PGM2: variants seen among roughly 807,000 people sequenced by gnomAD.
PGM2 encodes the protein phosphoglucomutase 2, also known as phosphopentomutase.
In PGM2, 57 loss-of-function variants were observed where a neutral mutation model predicts 74.6. That is an observed-to-expected ratio of 0.76 (90% CI 0.62 to 0.95). The LOEUF (loss-of-function observed/expected upper bound fraction) is 0.95, where lower values mean the gene tolerates loss of function less well. Ranked by LOEUF, PGM2 falls within the 40% of genes least tolerant of loss-of-function variation. The probability of loss-of-function intolerance (pLI) is 0.00; values close to 1 mark genes in which losing one functional copy is unlikely to be tolerated. For synonymous variants in PGM2, 273 were observed against 260.7 expected, an observed-to-expected ratio of 1.05 and a Z score of -0.46; for missense variants, 706 against 741.9, an observed-to-expected ratio of 0.95 and a Z score of 0.56.
At chr4:37,858,260 A>G (rs989705251) in intron 13 of PGM2, among the ~76,000 whole-genome samples, 1 of 152,164 alleles carries the variant, frequency 6.6e-6, no homozygotes, top group African/African-American at 2.4e-5. Flanking sequence ...GCGCTATGTC[A>G]GTAGATGGAT....
chr4:37,848,109 C>G (rs1464799062), intron 10 of PGM2, among the ~76,000 whole-genome samples: 1 of 152,202 alleles, frequency 6.6e-6, no homozygotes, highest in African/African-American at 2.4e-5. Flanking sequence ...TGGCACTGAC[C>G]TTAGCCTACA....
rs34512739 is a variant in PGM2 at position 37,841,158 on chromosome 4, T to TTGTG, written c.719+926_719+929dup. Among the ~76,000 whole-genome samples the TTGTG allele has an allele frequency of 8.0e-3, 807 of 101,458 alleles. 4 individuals are homozygous for TTGTG. Among genetic ancestry groups the TTGTG allele is most frequent in the Admixed American group, 0.011 (102 of 9,588 alleles). The allele number at this position is 101,458 out of a possible 152,430, so 66.6% of individuals were successfully genotyped here. A position where few individuals can be genotyped will look rare whatever the true frequency, so the allele number is the denominator to read the frequency against. On this transcript the variant is annotated intron_variant, in intron 6 of 13. Transcript: ENST00000381967. ...ACTTCAAAACCATAAATAGGAATATTTGTGTGTGTGTGTGTGTGTGTGTGT... is the reference window on the plus strand; with the variant it reads ...ACTTCAAAACCATAAATAGGAATATTTGTGTGTGTGTGTGTGTGTGTGTGTGTGT...
chr4:37,861,589 A>G lies in PGM2; in HGVS notation c.1816A>G (p.Asn606Asp), dbSNP rs771049167. 2.5e-6 allele frequency: 4 copies of G among 1,612,318 alleles called. No individual in the cohort carries two copies. Among genetic ancestry groups the G allele is most frequent in the Non-Finnish European group, 2.5e-6 (3 of 1,178,462 alleles). ...ACATTTTTTCCAGCCACAGAAGTAC[A>G]ATCTGCAGCCAAAAGCAGACTAAAA... The part of the protein sequence containing the change: ...EEHFFQPQKY[N>D]LQPKAD Residue 606 changes from asparagine (N) to aspartate (D), a missense_variant, in exon 14 of 14, where the codon AAT becomes GAT. By Grantham distance (23) the Asn-to-Asp change is conservative. Transcript: ENST00000381967.
chr4:37,840,297 A>C lies in PGM2; in HGVS notation c.719+38A>C, dbSNP rs762811082. ...TGTCTTCACTGACCTTAAGTGAGTT[A>C]ATGTGATTCAGCCAAATTCTATTAG... On this transcript the variant is annotated intron_variant, in intron 6 of 13. Transcript: ENST00000381967. 3.1e-6 allele frequency: 4 copies of C among 1,287,852 alleles called. No homozygotes were observed. In the South Asian group the frequency reaches 4.8e-5, roughly 16 times the overall value. The allele number at this position is 1,287,852 out of a possible 1,614,324, so 79.8% of individuals were successfully genotyped here.
Position 37,840,052 on chromosome 4 carries a change from C to T in PGM2, c.526-14C>T. On this transcript the variant is annotated splice_polypyrimidine_tract_variant and intron_variant, in intron 5 of 13. Coordinates refer to ENST00000381967, the MANE Select transcript of PGM2 (RefSeq NM_018290.4). ...TAACTGTAAACCTTCTGAATGTGTT[C>T]CTGGGTCCTCTAGGTCTATTGGGAT... The T allele has an allele frequency of 6.2e-7, 1 of 1,606,316 alleles. No homozygotes were observed. The highest frequency in any genetic ancestry group is 8.5e-7 in the Non-Finnish European group (1 of 1,173,822).
At position 37,840,970 on chromosome 4, in the gene PGM2, A is replaced by G. The variant is rs1458403439; in HGVS notation, c.719+711A>G. Among the ~76,000 whole-genome samples the G allele has an allele frequency of 5.7e-3, 778 of 135,798 alleles. 8 individuals carry two copies. Among genetic ancestry groups the G allele is most frequent in the African/African-American group, 0.021 (685 of 32,158 alleles). The allele number at this position is 135,798 out of a possible 152,430, so 89.1% of individuals were successfully genotyped here. On this transcript the variant is annotated intron_variant, in intron 6 of 13. Coordinates refer to ENST00000381967, the MANE Select transcript of PGM2 (RefSeq NM_018290.4). ...TAAGTGTGTGTGTGTGTGTGTATATATATATATATATATGTATGTTTTTAA... is the reference window on the plus strand; with the variant it reads ...TAAGTGTGTGTGTGTGTGTGTATATGTATATATATATATGTATGTTTTTAA...
intron 12 of PGM2, among the ~76,000 whole-genome samples, chr4:37,854,128 A>G (rs1173596755): frequency 1.3e-5 from 2 of 151,954 alleles, no homozygotes; most frequent in Admixed American, 6.6e-5. Context: ...CTGTGCCTCC[A>G]TCTGTTTTCT....
intron 6 of PGM2, among the ~76,000 whole-genome samples, chr4:37,843,415 C>A (rs903605695): frequency 6.6e-6 from 1 of 151,964 alleles, no homozygotes; most frequent in Non-Finnish European, 1.5e-5. Context: ...TTATTCATTC[C>A]CAAAAGAAAT....
chr4:37,832,744 A>T (rs1473637450), intron 2 of PGM2, among the ~76,000 whole-genome samples: 2 of 152,182 alleles, frequency 1.3e-5, no homozygotes, highest in African/African-American at 4.8e-5. Context: ...TCATTAAAAG[A>T]TGGTTTCATT....
Position 37,847,303 on chromosome 4 carries a change from G to A in PGM2, c.1282+8G>A, listed in dbSNP as rs1253894028. The A allele has an allele frequency of 1.9e-6, 3 of 1,588,902 alleles. No individual in the cohort carries two copies. Among genetic ancestry groups the A allele is most frequent in the South Asian group, 2.2e-5 (2 of 90,470 alleles). ...CATTTGAAGAAGCTATTGGTAAGAA[G>A]TGATCATGAACATTAAGGAATTGGC... is the stretch of plus-strand genomic sequence containing the variant. On this transcript the variant is annotated splice_region_variant and intron_variant, in intron 10 of 13. Transcript: ENST00000381967.
rs34512739 is a variant in PGM2, at chr4:37,841,158, T to TTG, written c.719+928_719+929dup. ...ACTTCAAAACCATAAATAGGAATAT[T>TTG]TGTGTGTGTGTGTGTGTGTGTGTGT... On this transcript the variant is annotated intron_variant, in intron 6 of 13. Coordinates refer to ENST00000381967, the MANE Select transcript of PGM2 (RefSeq NM_018290.4). Among the ~76,000 whole-genome samples the TTG allele has an allele frequency of 5.6e-3, 571 of 101,458 alleles. 2 individuals are homozygous for TTG. The highest frequency in any genetic ancestry group is 7.8e-3 in the South Asian group (26 of 3,348). The allele number at this position is 101,458 out of a possible 152,430, so 66.6% of individuals were successfully genotyped here.
intron 6 of PGM2, among the ~76,000 whole-genome samples, chr4:37,842,935 T>A (rs988264417): frequency 1.3e-5 from 2 of 152,154 alleles, no homozygotes; most frequent in Admixed American, 1.3e-4. Flanking sequence ...AGTGCTAGGA[T>A]TAGAGGAGTG....
At position 37,861,888 on chromosome 4, in the gene PGM2, G is replaced by A. The variant is rs1711789870; in HGVS notation, c.*276G>A. On this transcript the variant is annotated 3_prime_UTR_variant, in exon 14 of 14. Coordinates refer to ENST00000381967, the MANE Select transcript of PGM2 (RefSeq NM_018290.4). ...TTAAACTGACTAACTTAAAAAAATA[G>A]ATTGTAATTGATGTGCCTTAATTTG... The A allele has an allele frequency of 3.3e-6, 1 of 307,142 alleles. No individual in the cohort carries two copies. Among genetic ancestry groups the A allele is most frequent in the Non-Finnish European group, 6.3e-6 (1 of 159,060 alleles). The allele number at this position is 307,142 out of a possible 1,614,324, so 19.0% of individuals were successfully genotyped here.
At chr4:37,830,412 A>G (rs896751137) in intron 2 of PGM2, among the ~76,000 whole-genome samples, 1 of 152,198 alleles carries the variant, frequency 6.6e-6, no homozygotes, top group Non-Finnish European at 1.5e-5. Flanking sequence ...TCGAACAAAC[A>G]GATTCTCTCA....
At position 37,826,724 on chromosome 4, in the gene PGM2, A is replaced by T. The variant is rs201471162; in HGVS notation, c.-9A>T. The T allele has an allele frequency of 4.1e-4, 635 of 1,548,828 alleles. No homozygotes were observed. The highest frequency in any genetic ancestry group is 5.2e-4 in the Non-Finnish European group (590 of 1,145,182). ...TGCTTCCCTCTGCAGCGGTAGCACA[A>T]GCTCAGCGATGGCGGCTCCAGAAGG... On this transcript the variant is annotated 5_prime_UTR_variant, in exon 1 of 14. In the 5' UTR this introduces an upstream ATG that the reference lacks. Transcript: ENST00000381967.
At chr4:37,833,500 G>A (rs1725487685) in intron 2 of PGM2, among the ~76,000 whole-genome samples, 1 of 152,206 alleles carries the variant, frequency 6.6e-6, no homozygotes, top group Non-Finnish European at 1.5e-5. Context: ...GATTGAGGCT[G>A]CAGTGAACCA....
At chr4:37,856,708 A>G (rs1250080976) in intron 13 of PGM2, among the ~76,000 whole-genome samples, 1 of 152,198 alleles carries the variant, frequency 6.6e-6, no homozygotes, top group Non-Finnish European at 1.5e-5. Context: ...CCTATTCAGA[A>G]TACAGTTGAA....
chr4:37,835,989 T>C (rs762833008), intron 3 of PGM2, among the ~76,000 whole-genome samples: 3 of 152,220 alleles, frequency 2.0e-5, no homozygotes, highest in Non-Finnish European at 4.4e-5. Flanking sequence ...CAGAACTAAA[T>C]CGTGACCGTG....
At position 37,861,516 on chromosome 4, in the gene PGM2, TG is replaced by T; in HGVS notation, c.1744del (p.Glu582SerfsTer3). 1 of 1,608,624 alleles carries T rather than the reference TG, an allele frequency of 6.2e-7. No individual in the cohort carries two copies. Among genetic ancestry groups the T allele is most frequent in the Non-Finnish European group, 8.5e-7 (1 of 1,175,264 alleles). ...TTTCCCCCTTATTTTCCAGTGATCC[TG>T]AGCAGCTGAAGAAGGAACTGAATGA... The part of the protein sequence containing the change: ...LCAPPGNSDP[E>X]QLKKELNELV... On this transcript the variant is annotated frameshift_variant, in exon 14 of 14. Coordinates refer to ENST00000381967, the MANE Select transcript of PGM2 (RefSeq NM_018290.4). LOFTEE classifies it high-confidence loss of function.
Sources: gnomAD v4.1 joint callset for allele counts (sites outside exome capture counted in the v4.1 genomes callset) on GRCh38, gnomAD v4.1.1 for gene constraint, MANE v1.5 for transcripts, NCBI Gene and HGNC (gene_info 2026-07-23, HGNC 2026-07-21) for gene names.